DNAI7: variants seen among roughly 807,000 people sequenced by gnomAD.
DNAI7 encodes the protein cancer susceptibility 1.
In DNAI7, 78 loss-of-function variants were observed where a neutral mutation model predicts 86.6. The ratio of observed to expected loss-of-function variants is 0.90; its 90% CI spans 0.75 to 1.09. DNAI7 has a LOEUF of 1.09. Ranked by LOEUF, DNAI7 falls within the 50% of genes least tolerant of loss-of-function variation. The pLI, the probability that DNAI7 is intolerant of heterozygous loss-of-function variation, is 0.00. For synonymous variants in DNAI7, 274 were observed against 273.0 expected, an observed-to-expected ratio of 1.00 and a Z score of -0.04; for missense variants, 753 against 810.2, an observed-to-expected ratio of 0.93 and a Z score of 0.86.
downstream of DNAI7, chr12:25,107,706 G>A: frequency 1.0e-6 from 1 of 967,162 alleles, no homozygotes; most frequent in Non-Finnish European, 1.6e-6. Flanking sequence ...TAGATTAAAA[G>A]GCAGTTTTGG....
intron 8 of DNAI7, 36 bp from the exon 9 acceptor site, chr12:25,144,713 C>A (rs1944613073): frequency 1.3e-6 from 2 of 1,491,200 alleles, no homozygotes; most frequent in Non-Finnish European, 9.2e-7. Flanking sequence ...AAAGATGAGA[C>A]CCTAGGAAAC....
rs147036658 is a variant in DNAI7, at chr12:25,138,957, T to C, written c.1002+5408A>G. Among the ~76,000 whole-genome samples the C allele has an allele frequency of 3.3e-5, 5 of 150,888 alleles. No individual in the cohort carries two copies. In the East Asian group the frequency reaches 9.7e-4, roughly 29 times the overall value. On this transcript the variant is annotated intron_variant, in intron 9 of 15. Transcript: ENST00000395987. Reference sequence around the variant, plus strand: ...AAGACAAACAAAATTGACAGACCATTAGCGAGATTAACCAAGAAAAGAAGA... The same window carrying C: ...AAGACAAACAAAATTGACAGACCATCAGCGAGATTAACCAAGAAAAGAAGA...
chr12:25,170,103 T>C (rs1947969728), intron 2 of DNAI7, among the ~76,000 whole-genome samples: 1 of 151,956 alleles, frequency 6.6e-6, no homozygotes, highest in Admixed American at 6.6e-5. Flanking sequence ...TTAAAGGCCT[T>C]GTCCCAGCCA....
At chr12:25,185,303 A>G (rs914668358) in intron 2 of DNAI7, among the ~76,000 whole-genome samples, 1 of 152,108 alleles carries the variant, frequency 6.6e-6, no homozygotes, top group East Asian at 1.9e-4. Context: ...CATTGTAGTG[A>G]GCACTATTTA....
intron 2 of DNAI7, among the ~76,000 whole-genome samples, chr12:25,177,257 T>G (rs1949060237): frequency 6.6e-6 from 1 of 152,138 alleles, no homozygotes; most frequent in South Asian, 2.1e-4. Context: ...TGCACACTGA[T>G]GTACAATCAT....
At chr12:25,142,099 A>T (rs1592370519) in intron 9 of DNAI7, among the ~76,000 whole-genome samples, 1 of 152,346 alleles carries the variant, frequency 6.6e-6, no homozygotes, top group African/African-American at 2.4e-5. Context: ...ACCAGCCCAA[A>T]TGCCCAGCAA....
chr12:25,128,842 A>G (rs937883117), intron 9 of DNAI7, among the ~76,000 whole-genome samples: 2 of 152,050 alleles, frequency 1.3e-5, no homozygotes, highest in South Asian at 4.1e-4. Context: ...GCCCCTCACA[A>G]TTTGTTCTCC....
At chr12:25,180,043 TAAAGATTCCTCC>T (rs1163272196) in intron 2 of DNAI7, among the ~76,000 whole-genome samples, 1 of 152,132 alleles carries the variant, frequency 6.6e-6, no homozygotes, top group East Asian at 1.9e-4. Flanking sequence ...TAGAAAACGG[TAAAGATTCCTCC>T]AAATACCTCC....
chr12:25,171,759 A>G (rs1482491944), intron 2 of DNAI7, among the ~76,000 whole-genome samples: 7 of 152,216 alleles, frequency 4.6e-5, no homozygotes, highest in African/African-American at 1.4e-4. Context: ...AACACATCAA[A>G]AAGATAATTC....
chr12:25,181,729 T>C (rs906165613), intron 2 of DNAI7, among the ~76,000 whole-genome samples: 3 of 151,804 alleles, frequency 2.0e-5, no homozygotes, highest in African/African-American at 4.8e-5. Flanking sequence ...CATGAACAGA[T>C]ACTTCTCAAA....
intron 2 of DNAI7, among the ~76,000 whole-genome samples, chr12:25,173,338 A>G (rs546414022): frequency 1.3e-5 from 2 of 152,034 alleles, no homozygotes; most frequent in Non-Finnish European, 2.9e-5. Context: ...GCCAATAAAC[A>G]TATGAAAAAA....
intron 3 of DNAI7, among the ~76,000 whole-genome samples, chr12:25,160,393 T>G (rs1186414923): frequency 6.6e-6 from 1 of 152,212 alleles, no homozygotes; most frequent in East Asian, 1.9e-4. Context: ...TAAAGCAACC[T>G]TTTTCGATTA....
At chr12:25,112,191 C>G (rs1220833228) in intron 13 of DNAI7, among the ~76,000 whole-genome samples, 2 of 152,154 alleles carry the variant, frequency 1.3e-5, no homozygotes, top group Non-Finnish European at 1.5e-5. Context: ...TATAGCATCT[C>G]TCAAGCCTCC....
At chr12:25,128,397 T>C (rs914888090) in intron 9 of DNAI7, among the ~76,000 whole-genome samples, 2 of 152,178 alleles carry the variant, frequency 1.3e-5, no homozygotes, top group African/African-American at 4.8e-5. Flanking sequence ...TTAAATACTA[T>C]CTATAGACCA....
chr12:25,187,019 C>T (rs879652808), intron 2 of DNAI7, among the ~76,000 whole-genome samples: 1 of 152,136 alleles, frequency 6.6e-6, no homozygotes, highest in Non-Finnish European at 1.5e-5. Context: ...TTCCACATGG[C>T]AATCAAAGTG....
At chr12:25,194,960 C>T (rs1330475352) in intron 1 of DNAI7, 116 bp downstream of exon 1, 3 of 1,614,210 alleles carry the variant, frequency 1.9e-6, no homozygotes, top group Admixed American at 1.7e-5. Flanking sequence ...GAGTTATTTC[C>T]CAAACCGACC....
At position 25,147,482 on chromosome 12, in the gene DNAI7, C is replaced by CCCCG. The variant is rs746485034; in HGVS notation, c.586-379_586-378insCGGG. 2.3e-3 allele frequency among the ~76,000 whole-genome samples: 339 copies of CCCCG among 150,640 alleles called. 1 individual carries two copies. The highest frequency in any genetic ancestry group is 3.4e-3 in the African/African-American group (139 of 41,340). On this transcript the variant is annotated intron_variant, in intron 7 of 15. Transcript: ENST00000395987. ...GCCTGGGCAACATAATGAGACCACC[C>CCCCG]CCATCTCTACAAAAAATTAGCTGGG...
At chr12:25,112,589 G>T (rs562118957) in intron 13 of DNAI7, among the ~76,000 whole-genome samples, 16 of 151,724 alleles carry the variant, frequency 1.1e-4, no homozygotes, top group Non-Finnish European at 2.1e-4. Flanking sequence ...TGTATTTTTA[G>T]TAGAGACAGG....
chr12:25,160,749 T>C (rs933779950), intron 3 of DNAI7, among the ~76,000 whole-genome samples: 3 of 152,216 alleles, frequency 2.0e-5, no homozygotes, highest in Non-Finnish European at 4.4e-5. Flanking sequence ...GAAAATTTTA[T>C]ATTCGAGTGC....
Sources: gnomAD v4.1 joint callset for allele counts (sites outside exome capture counted in the v4.1 genomes callset) on GRCh38, gnomAD v4.1.1 for gene constraint, MANE v1.5 for transcripts, NCBI Gene and HGNC (gene_info 2026-07-23, HGNC 2026-07-21) for gene names.